The following FIS1 variants were observed in gnomAD, a reference collection of about 807,000 sequenced individuals.
FIS1 encodes the protein mitochondrial fission 1 protein.
FIS1 carries 16 observed loss-of-function variants against 21.6 expected under a neutral mutation model. The ratio of observed to expected loss-of-function variants is 0.74; its 90% confidence interval spans 0.50 to 1.12. The LOEUF (loss-of-function observed/expected upper bound fraction) is 1.12. FIS1 is among the 50% of genes most tolerant of loss of function. The probability of loss-of-function intolerance (pLI) is 0.00; values close to 1 mark genes in which losing one functional copy is unlikely to be tolerated. For missense variants in FIS1, 198 were observed against 190.9 expected (o/e 1.04, Z -0.22); for synonymous variants, 92 against 82.2 (o/e 1.12, Z -0.65).
At chr7:101,240,335 G>A in intron 3 of FIS1, 88 bp from the exon 4 acceptor site, 1 of 1,365,020 alleles carries the variant, frequency 7.3e-7, no homozygotes, top group Non-Finnish European at 1.0e-6. Flanking sequence ...GTCTTGCTCT[G>A]TTGCCCACGC....
chr7:101,244,203 A>G, intron 1 of FIS1, 64 bp from the exon 2 acceptor site: 1 of 1,560,242 alleles, frequency 6.4e-7, no homozygotes, highest in Non-Finnish European at 8.7e-7. Context: ...CTATCTGGAC[A>G]TGCCATCTCC....
At chr7:101,243,629 C>T (rs1798775428) in intron 2 of FIS1, among the ~76,000 whole-genome samples, 1 of 152,132 alleles carries the variant, frequency 6.6e-6, no homozygotes, top group African/African-American at 2.4e-5. Context: ...TAGGACAGTC[C>T]TCTGTACCTC....
intron 2 of FIS1, 73 bp downstream of exon 2, chr7:101,243,934 G>A (rs1798780160): frequency 2.0e-6 from 3 of 1,532,064 alleles, no homozygotes; most frequent in Admixed American, 3.8e-5. Flanking sequence ...CAACTCAGAG[G>A]TGCCTGGACT....
At chr7:101,240,288 T>G in intron 3 of FIS1, 41 bp from the exon 4 acceptor site, 1 of 1,585,996 alleles carries the variant, frequency 6.3e-7, no homozygotes, top group South Asian at 1.1e-5. Flanking sequence ...CACACCGCAG[T>G]GTTTTTTTGT....
At chr7:101,240,394 G>A (rs1798728081) in intron 3 of FIS1, 147 bp from the exon 4 acceptor site, 1 of 744,084 alleles carries the variant, frequency 1.3e-6, no homozygotes, top group Non-Finnish European at 2.2e-6. Context: ...AAACTCCCAG[G>A]CTCAAGCAGT....
rs772685302 is a variant in FIS1, at chr7:101,239,629, C to T, written c.*177G>A. 10 of 677,942 alleles carry T rather than the reference C, an allele frequency of 1.5e-5. No individual in the cohort carries two copies. Among genetic ancestry groups the T allele is most frequent in the Non-Finnish European group, 2.4e-5 (9 of 371,900 alleles). The allele number at this position is 677,942 out of a possible 1,614,324, so 42.0% of individuals were successfully genotyped here. On this transcript the variant is annotated 3_prime_UTR_variant, in exon 5 of 5. Coordinates refer to ENST00000223136, the MANE Select transcript of FIS1 (RefSeq NM_016068.3). ...CACGGGGGTTCCCAAGCCACAGCCCCGTTTTATTTACACTCATCCCAAAGC... is the reference window on the plus strand; with the variant it reads ...CACGGGGGTTCCCAAGCCACAGCCCTGTTTTATTTACACTCATCCCAAAGC...
intron 2 of FIS1, 139 bp from the exon 3 acceptor site, chr7:101,241,045 CCA>C: frequency 2.6e-6 from 2 of 758,642 alleles, no homozygotes; most frequent in South Asian, 3.3e-5. Context: ...CCTTTCAGCT[CCA>C]GTCACTCCCA....
At position 101,240,856 on chromosome 7, in the gene FIS1, G is replaced by C. The variant is rs1457217374; in HGVS notation, c.229C>G (p.Leu77Val). 3 of 1,614,086 alleles carry C rather than the reference G, an allele frequency of 1.9e-6. No homozygotes were observed. The highest frequency in any genetic ancestry group is 3.3e-5 in the Admixed American group (2 of 60,028). ...KEEQRDYVFY[L>V]AVGNYRLKEY... ...TTGAGCCGGTAGTTCCCCACGGCCAGGTAGAAGACGTAATCCCGCTGTTCC... is the reference window on the plus strand; with the variant it reads ...TTGAGCCGGTAGTTCCCCACGGCCACGTAGAAGACGTAATCCCGCTGTTCC... The change falls in exon 3 of 5, where the codon CTG becomes GTG. Residue 77 changes from leucine to valine, a missense_variant. Leu to Val is a conservative substitution (Grantham distance 32). Coordinates refer to ENST00000223136, the MANE Select transcript of FIS1 (RefSeq NM_016068.3).
chr7:101,242,633 T>C (rs757718192), intron 2 of FIS1, among the ~76,000 whole-genome samples: 3 of 151,938 alleles, frequency 2.0e-5, no homozygotes, highest in Non-Finnish European at 2.9e-5. Context: ...GGATTAAAGG[T>C]GTGCGCCACC....
rs1798797715 is a variant in FIS1, at chr7:101,244,971, CCA to C, written c.32_33del (p.Val11GlyfsTer7). The C allele has an allele frequency of 4.3e-6, 7 of 1,614,110 alleles. No homozygotes were observed. The highest frequency in any genetic ancestry group is 5.9e-6 in the Non-Finnish European group (7 of 1,179,972). Reference protein sequence around the residue: MEAVLNELVSVEDLLKFEKKF... With the variant: MEAVLNELVSXEDLLKFEKKF... ...GGGCCAGGCCTCACCAGCAGGTCCT[CCA>C]CAGACACCAGCTCGTTCAGCACGGC... On this transcript the variant is annotated frameshift_variant, in exon 1 of 5. Coordinates refer to ENST00000223136, the MANE Select transcript of FIS1 (RefSeq NM_016068.3). LOFTEE classifies it high-confidence loss of function.
chr7:101,239,797 G>C lies in FIS1; in HGVS notation c.*9C>G, dbSNP rs771385851. ...CCTGGAGCGTTCTCCGTGGGCTCCC[G>C]CGTCTCCTTCAGGATTTGGACTTGG... On this transcript the variant is annotated 3_prime_UTR_variant, in exon 5 of 5. Transcript: ENST00000223136. 5 of 1,587,048 alleles carry C rather than the reference G, an allele frequency of 3.2e-6. No individual in the cohort carries two copies. Among genetic ancestry groups the C allele is most frequent in the South Asian group, 1.1e-5 (1 of 87,274 alleles).
At chr7:101,244,160 AAT>A (rs1798783939) in intron 1 of FIS1, 21 bp from the exon 2 acceptor site, 1 of 1,609,500 alleles carries the variant, frequency 6.2e-7, no homozygotes, top group African/African-American at 1.3e-5. Flanking sequence ...GGAGGAAAGG[AAT>A]CATTTAGAAA....
chr7:101,240,077 C>T, intron 4 of FIS1, 65 bp downstream of exon 4: 1 of 1,568,694 alleles, frequency 6.4e-7, no homozygotes, highest in East Asian at 2.2e-5. Context: ...GGTTCATTTA[C>T]AGAGAGACCA....
chr7:101,240,588 A>G (rs1163661558), intron 3 of FIS1, among the ~76,000 whole-genome samples: 1 of 152,010 alleles, frequency 6.6e-6, no homozygotes, highest in Non-Finnish European at 1.5e-5. Context: ...TAGAGTCCAC[A>G]AACAACCCCA....
intron 3 of FIS1, among the ~76,000 whole-genome samples, 163 bp downstream of exon 3, chr7:101,240,667 C>A (rs1373699154): frequency 6.6e-6 from 1 of 152,044 alleles, no homozygotes; most frequent in African/African-American, 2.4e-5. Context: ...TTCCTCCCCA[C>A]CCCCTCGCCA....
chr7:101,242,260 G>T (rs1052658183), intron 2 of FIS1, among the ~76,000 whole-genome samples: 2 of 152,212 alleles, frequency 1.3e-5, no homozygotes, highest in South Asian at 2.1e-4. Context: ...ACTTCCCAGA[G>T]GATAACTGTA....
chr7:101,245,062 C>T lies in FIS1; in HGVS notation c.-58G>A. 1 of 1,575,734 alleles carries T rather than the reference C, an allele frequency of 6.3e-7. No individual in the cohort carries two copies. The highest frequency in any genetic ancestry group is 1.2e-5 in the South Asian group (1 of 86,880). On this transcript the variant is annotated 5_prime_UTR_variant, in exon 1 of 5. Transcript: ENST00000223136. ...CTACTGTGCCACAGTCTCCATGGCC[C>T]AGTGGCAGGGGCGGAGAACCACTTC...
chr7:101,244,029 A>G lies in FIS1; in HGVS notation c.156T>C (p.Arg52=), dbSNP rs1584272793. Residue 52 remains arginine, a synonymous_variant, in exon 2 of 5, where the codon CGT becomes CGC. Transcript: ENST00000223136. ...LVRSKYNDDI[R]KGIVLLEELL... is the part of the protein sequence containing the mutation. ...CACCCTCGAGCAGCACGATGCCTTT[A>G]CGGATGTCATCATTGTACTTGCTCC... is the stretch of plus-strand genomic sequence containing the variant. The G allele has an allele frequency of 1.9e-6, 3 of 1,613,634 alleles. No homozygotes were observed. In the East Asian group the frequency reaches 6.7e-5, roughly 36 times the overall value.
chr7:101,240,285 C>A, intron 3 of FIS1, 38 bp from the exon 4 acceptor site: 2 of 1,596,380 alleles, frequency 1.3e-6, no homozygotes, highest in Non-Finnish European at 1.7e-6. Flanking sequence ...ATACACACCG[C>A]AGTGTTTTTT....
Sources: allele counts gnomAD v4.1 joint callset (sites outside exome capture counted in the v4.1 genomes callset), GRCh38; gene constraint gnomAD v4.1.1; transcripts MANE v1.5; gene names NCBI Gene and HGNC (gene_info 2026-07-23, HGNC 2026-07-21).